Variants in BLTP3A observed in about 807,000 individuals in gnomAD.
BLTP3A encodes the protein ICBP90 binding protein 1.
At chr6:34,801,076 TG>T in the BLTP3A span, among the ~76,000 whole-genome samples, 1 of 152,216 alleles carries the variant, frequency 6.6e-6, no homozygotes. Context: ...AATTGACTGT[TG>T]TTTCATTTGC....
the BLTP3A span, chr6:34,857,830 G>A: frequency 2.5e-6 from 4 of 1,614,122 alleles, no homozygotes; most frequent in African/African-American, 1.3e-5. Flanking sequence ...ACCGCAGCTT[G>A]GAGCAGTTCA....
At chr6:34,792,288 TG>T in the BLTP3A span, 3 of 1,543,294 alleles carry the variant, frequency 1.9e-6, no homozygotes, top group South Asian at 3.6e-5. Context: ...CTGAAACACC[TG>T]TCCCGGTGAG....
At chr6:34,804,599 C>T in the BLTP3A span, among the ~76,000 whole-genome samples, 1 of 152,040 alleles carries the variant, frequency 6.6e-6, no homozygotes, top group Non-Finnish European at 1.5e-5. Context: ...TTCTGTATCA[C>T]TTGAATGTAG....
chr6:34,796,539 T>C, the BLTP3A span, among the ~76,000 whole-genome samples: 1 of 152,226 alleles, frequency 6.6e-6, no homozygotes, highest in Non-Finnish European at 1.5e-5. Context: ...CACAAAGCAA[T>C]GATTTAAAAA....
the BLTP3A span, among the ~76,000 whole-genome samples, chr6:34,830,608 C>A: frequency 6.6e-6 from 1 of 151,780 alleles, no homozygotes; most frequent in South Asian, 2.1e-4. Context: ...AAAAAAAAAC[C>A]CACAAAGCCA....
chr6:34,857,125 G>T, the BLTP3A span, among the ~76,000 whole-genome samples: 1 of 152,226 alleles, frequency 6.6e-6, no homozygotes, highest in African/African-American at 2.4e-5. Flanking sequence ...TACTGTGAAT[G>T]CTCTGCTTTG....
At chr6:34,832,648 C>G in the BLTP3A span, among the ~76,000 whole-genome samples, 1 of 151,828 alleles carries the variant, frequency 6.6e-6, no homozygotes, top group Non-Finnish European at 1.5e-5. Flanking sequence ...AGGGCATCTC[C>G]CTTTGTTGCC....
At chr6:34,836,062 G>A in the BLTP3A span, 5 of 1,452,888 alleles carry the variant, frequency 3.4e-6, no homozygotes, top group Middle Eastern at 5.5e-4. Flanking sequence ...TTGCTAAACT[G>A]TGGTTTTCTT....
chr6:34,820,682 G>A, the BLTP3A span, among the ~76,000 whole-genome samples: 3 of 148,112 alleles, frequency 2.0e-5, no homozygotes, highest in East Asian at 2.0e-4. Flanking sequence ...TCTGTCTGGT[G>A]TTTGTTTGTT....
chr6:34,856,200 G>T, the BLTP3A span: 1 of 1,593,028 alleles, frequency 6.3e-7, no homozygotes, highest in South Asian at 1.1e-5. Flanking sequence ...CATTCATCAT[G>T]ATCTTGGGCT....
chr6:34,871,127 C>G, the BLTP3A span: 1 of 1,603,578 alleles, frequency 6.2e-7, no homozygotes, highest in Non-Finnish European at 8.5e-7. Context: ...GTGTGAGGAA[C>G]CTTTGGTTTT....
At chr6:34,804,969 A>G in the BLTP3A span, among the ~76,000 whole-genome samples, 1 of 152,260 alleles carries the variant, frequency 6.6e-6, no homozygotes, top group African/African-American at 2.4e-5. Flanking sequence ...AATCTTTTAC[A>G]TCATGAGGTC....
chr6:34,854,019 C>T, the BLTP3A span, among the ~76,000 whole-genome samples: 3 of 152,000 alleles, frequency 2.0e-5, no homozygotes, highest in Non-Finnish European at 4.4e-5. Context: ...CTCAGGAGTT[C>T]GAGACTAGCC....
chr6:34,846,077 TCCCTCCCCTCCCCTC>T, the BLTP3A span, among the ~76,000 whole-genome samples: 3,472 of 70,620 alleles, frequency 0.049, 189 homozygotes, highest in Middle Eastern at 0.082. Context: ...CCATTTCTTT[TCCCTCCCCTCCCCTC>T]CCCTCCCCTC....
At chr6:34,807,851 C>A in the BLTP3A span, among the ~76,000 whole-genome samples, 301 of 152,028 alleles carry the variant, frequency 2.0e-3, 2 homozygotes, top group African/African-American at 7.1e-3. Context: ...ATCAGCCTGG[C>A]CAACATGTTG....
At chr6:34,810,703 A>G in the BLTP3A span, among the ~76,000 whole-genome samples, 1 of 152,158 alleles carries the variant, frequency 6.6e-6, no homozygotes, top group Non-Finnish European at 1.5e-5. Flanking sequence ...TCCTGGGCTC[A>G]AGCATTCCTC....
the BLTP3A span, among the ~76,000 whole-genome samples, chr6:34,802,608 G>C: frequency 1.3e-5 from 2 of 151,976 alleles, no homozygotes; most frequent in Non-Finnish European, 2.9e-5. Context: ...TGATCCGCCT[G>C]CCTCGGCCTC....
chr6:34,855,831 G>A, the BLTP3A span: 5 of 1,501,846 alleles, frequency 3.3e-6, no homozygotes, highest in Non-Finnish European at 4.5e-6. Context: ...GAGGGGTGCT[G>A]GAAATATCCC....
At chr6:34,830,625 A>G in the BLTP3A span, among the ~76,000 whole-genome samples, 2 of 151,948 alleles carry the variant, frequency 1.3e-5, no homozygotes, top group African/African-American at 4.8e-5. Context: ...GCCATACACC[A>G]CAAAGAATGA....
Sources: gnomAD v4.1 joint callset for allele counts (sites outside exome capture counted in the v4.1 genomes callset) on GRCh38, gnomAD v4.1.1 for gene constraint, MANE v1.5 for transcripts, NCBI Gene and HGNC (gene_info 2026-07-23, HGNC 2026-07-21) for gene names.